RRAGD: variants seen among roughly 807,000 people sequenced by gnomAD.
RRAGD encodes the protein Ras related GTP binding D.
In RRAGD, 12 loss-of-function variants were observed where a neutral mutation model predicts 35.5. The ratio of observed to expected loss-of-function variants is 0.34; its 90% confidence interval spans 0.22 to 0.55. RRAGD has a LOEUF of 0.55. RRAGD is among the 20% of genes least tolerant of loss of function. The pLI is 0.91. For missense variants in RRAGD, 324 were observed against 490.1 expected, an observed-to-expected ratio of 0.66 and a Z score of 3.20; for synonymous variants, 155 against 178.9, an observed-to-expected ratio of 0.87 and a Z score of 1.07.
chr6:89,405,765 A>G (rs1486810513), intron 1 of RRAGD, among the ~76,000 whole-genome samples: 2 of 152,150 alleles, frequency 1.3e-5, no homozygotes, highest in Non-Finnish European at 2.9e-5. Context: ...CTATGTGCTT[A>G]TGGTTTTAGG....
chr6:89,402,038 A>ATTTGTTTTTT (rs1769477134), intron 1 of RRAGD, among the ~76,000 whole-genome samples: 1 of 78,440 alleles, frequency 1.3e-5, no homozygotes, highest in African/African-American at 6.3e-5. Context: ...AATCCTAAGG[A>ATTTGTTTTTT]TTTTTTTTTT....
rs561282435 is a variant in RRAGD at position 89,402,417 on chromosome 6, C to T, written c.148+9429G>A. ...TCATTAAGTTCACTCCAGAAACAGA[C>T]TCCCTTGCGGGTCCCAGTATGGAAT... is the stretch of plus-strand genomic sequence containing the variant. On this transcript the variant is annotated intron_variant, in intron 1 of 6. Coordinates refer to ENST00000369415, the MANE Select transcript of RRAGD (RefSeq NM_021244.5). Among the ~76,000 whole-genome samples the T allele has an allele frequency of 7.9e-4, 120 of 152,278 alleles. 1 individual carries two copies. In the Middle Eastern group the frequency reaches 0.01, roughly 13 times the overall value.
chr6:89,412,264 G>GAGAA lies in RRAGD; in HGVS notation c.-272_-271insTTCT, dbSNP rs1769724412. ...CAGTTCCTCCCGGAGGAGGGAGAGA[G>GAGAA]AGAGAGACTGCGTGACCCGAGTCAC... On this transcript the variant is annotated 5_prime_UTR_variant, in exon 1 of 7. Coordinates refer to ENST00000369415, the MANE Select transcript of RRAGD (RefSeq NM_021244.5). The surrounding 1 kb of genome is among the most constrained non-coding windows in gnomAD (Gnocchi z 4.2). 4.3e-6 allele frequency: 1 copy of GAGAA among 234,682 alleles called. No individual in the cohort carries two copies. The highest frequency in any genetic ancestry group is 2.3e-5 in the African/African-American group (1 of 43,390). 14.5% of individuals were successfully genotyped at this position (234,682 alleles called of 1,614,324 possible).
At chr6:89,406,429 G>A (rs191980520) in intron 1 of RRAGD, among the ~76,000 whole-genome samples, 9 of 152,228 alleles carry the variant, frequency 5.9e-5, no homozygotes, top group African/African-American at 9.6e-5. Context: ...GCTGGACGTC[G>A]AGAGGAGCAC....
chr6:89,402,038 A>ATTTTTTTT (rs71556520), intron 1 of RRAGD, among the ~76,000 whole-genome samples: 3,481 of 78,232 alleles, frequency 0.044, 506 homozygotes, highest in African/African-American at 0.11. Flanking sequence ...AATCCTAAGG[A>ATTTTTTTT]TTTTTTTTTT....
intron 2 of RRAGD, among the ~76,000 whole-genome samples, chr6:89,382,241 G>A (rs1388437025): frequency 1.3e-5 from 2 of 151,764 alleles, no homozygotes; most frequent in East Asian, 1.9e-4. Context: ...GGGAAAAACC[G>A]CAAATGGAGT....
chr6:89,402,038 A>ATTTTTTTTGTTTT (rs1769477442), intron 1 of RRAGD, among the ~76,000 whole-genome samples: 1 of 78,440 alleles, frequency 1.3e-5, no homozygotes, highest in Non-Finnish European at 2.2e-5. Flanking sequence ...AATCCTAAGG[A>ATTTTTTTTGTTTT]TTTTTTTTTT....
rs1467687782 is a variant in RRAGD at position 89,385,215 on chromosome 6, C to T, written c.444+2080G>A. On this transcript the variant is annotated intron_variant, in intron 2 of 6. Coordinates refer to ENST00000369415, the MANE Select transcript of RRAGD (RefSeq NM_021244.5). Reference sequence around the variant, plus strand: ...TAGAAACACCTAAAAATAGATTACACTGTAAATTTGAATTCCCATAAATGC... The same window carrying T: ...TAGAAACACCTAAAAATAGATTACATTGTAAATTTGAATTCCCATAAATGC... Among the ~76,000 whole-genome samples, 4 of 152,304 alleles carry T rather than the reference C, an allele frequency of 2.6e-5. No individual in the cohort carries two copies. The East Asian group carries it at 7.7e-4, about 29-fold the overall frequency.
chr6:89,403,801 T>G (rs1769526095), intron 1 of RRAGD, among the ~76,000 whole-genome samples: 1 of 151,688 alleles, frequency 6.6e-6, no homozygotes, highest in South Asian at 2.1e-4. Flanking sequence ...CCACCACACC[T>G]AGCTAATTTT....
chr6:89,377,293 T>G (rs1292926378), intron 5 of RRAGD, among the ~76,000 whole-genome samples: 1 of 152,194 alleles, frequency 6.6e-6, no homozygotes, highest in Non-Finnish European at 1.5e-5. Context: ...GGGTCAAATG[T>G]AATTCCTGCC....
At chr6:89,379,112 C>G (rs1372779628) in intron 4 of RRAGD, 112 bp downstream of exon 4, 6 of 560,034 alleles carry the variant, frequency 1.1e-5, no homozygotes, top group Non-Finnish European at 1.9e-5. Context: ...AAAAGTAATA[C>G]TTAAATGACC....
In RRAGD at chr6:89,402,342, G is replaced by A. The variant is rs117155607; in HGVS notation, c.148+9504C>T. On this transcript the variant is annotated intron_variant, in intron 1 of 6. Transcript: ENST00000369415. ...ATTACAGGCATGAGCCACTGAGCCC[G>A]GCCTGGAAATCACTAAGGATTTTAA... 1.6e-3 allele frequency among the ~76,000 whole-genome samples: 242 copies of A among 152,168 alleles called. 2 individuals carry two copies. The Middle Eastern group carries it at 0.017, about 11-fold the overall frequency.
intron 3 of RRAGD, among the ~76,000 whole-genome samples, chr6:89,379,711 AT>A (rs200110821): frequency 1.8e-4 from 28 of 152,136 alleles, no homozygotes; most frequent in African/African-American, 6.3e-4. Flanking sequence ...TGAAGCAACT[AT>A]TTTTTTTCCA....
chr6:89,388,365 G>A (rs1769171751), intron 1 of RRAGD, among the ~76,000 whole-genome samples: 1 of 152,126 alleles, frequency 6.6e-6, no homozygotes, highest in African/African-American at 2.4e-5. Context: ...ATGTTTAATG[G>A]GTATGTAGTT....
intron 6 of RRAGD, among the ~76,000 whole-genome samples, chr6:89,368,611 A>C (rs1249902588): frequency 6.6e-6 from 1 of 152,178 alleles, no homozygotes; most frequent in Admixed American, 6.6e-5. Flanking sequence ...GCAGATCCTG[A>C]CTTGGGATCC....
chr6:89,384,395 G>A (rs1033230428), intron 2 of RRAGD, among the ~76,000 whole-genome samples: 2 of 152,130 alleles, frequency 1.3e-5, no homozygotes, highest in African/African-American at 2.4e-5. Flanking sequence ...CCAGGTTAGA[G>A]TGCAATGGCA....
rs559276839 is a variant in RRAGD at position 89,410,275 on chromosome 6, C to T, written c.148+1571G>A. ...TGGATATGGCCCCTCCGCCCCCCCA[C>T]TTTTTTTCTTTTTTAAAAAAGAGAA... On this transcript the variant is annotated intron_variant, in intron 1 of 6. Coordinates refer to ENST00000369415, the MANE Select transcript of RRAGD (RefSeq NM_021244.5). Among the ~76,000 whole-genome samples, 15 of 152,294 alleles carry T rather than the reference C, an allele frequency of 9.8e-5. No individual in the cohort carries two copies. The South Asian group carries it at 2.9e-3, about 29-fold the overall frequency.
chr6:89,392,156 C>T (rs1022615456), intron 1 of RRAGD, among the ~76,000 whole-genome samples: 2 of 151,772 alleles, frequency 1.3e-5, no homozygotes, highest in African/African-American at 4.8e-5. Flanking sequence ...AAAGAAGGAT[C>T]AAGAAAAGGA....
In RRAGD at chr6:89,411,737, C is replaced by T; in HGVS notation, c.148+109G>A. 8.0e-7 allele frequency: 1 copy of T among 1,255,966 alleles called. No homozygotes were observed. Among genetic ancestry groups the T allele is most frequent in the Non-Finnish European group, 1.1e-6 (1 of 922,498 alleles). 77.8% of individuals were successfully genotyped at this position (1,255,966 alleles called of 1,614,324 possible). A position where few individuals can be genotyped will look rare whatever the true frequency, so the allele number is the denominator to read the frequency against. On this transcript the variant is annotated intron_variant, in intron 1 of 6. Coordinates refer to ENST00000369415, the MANE Select transcript of RRAGD (RefSeq NM_021244.5). The surrounding 1 kb of genome is among the most constrained non-coding windows in gnomAD (Gnocchi z 5.6). ...CCCAAACCCTCAACTGGACCCGCTCCCCTGGACCCCCTCCAAGTCGGTGGC... is the reference window on the plus strand; with the variant it reads ...CCCAAACCCTCAACTGGACCCGCTCTCCTGGACCCCCTCCAAGTCGGTGGC...
Sources: gnomAD v4.1 joint callset for allele counts (sites outside exome capture counted in the v4.1 genomes callset) on GRCh38, gnomAD v4.1.1 for gene constraint, Gnocchi (gnomAD v3.1) non-coding constraint, MANE v1.5 for transcripts, NCBI Gene and HGNC (gene_info 2026-07-23, HGNC 2026-07-21) for gene names.